CDH8: variants seen among roughly 807,000 people sequenced by gnomAD.
CDH8 encodes the protein cadherin-8.
In CDH8, 17 loss-of-function variants were observed where a neutral mutation model predicts 68.1. The ratio of observed to expected loss-of-function variants is 0.25; its 90% CI spans 0.17 to 0.37. The LOEUF is 0.37. Ranked by LOEUF, CDH8 falls within the 10% of genes least tolerant of loss-of-function variation. The pLI is 1.00. For synonymous variants in CDH8, 372 were observed against 365.1 expected (o/e 1.02, Z -0.21); for missense variants, 763 against 999.3 (o/e 0.76, Z 3.19).
intron 2 of CDH8, among the ~76,000 whole-genome samples, chr16:62,017,849 C>G (rs960446079): frequency 1.4e-4 from 21 of 151,002 alleles, no homozygotes; most frequent in African/African-American, 4.7e-4. Flanking sequence ...CCACCCCACA[C>G]CCCCGGGCCA....
At chr16:61,866,896 G>A (rs1193128981) in intron 3 of CDH8, among the ~76,000 whole-genome samples, 1 of 152,154 alleles carries the variant, frequency 6.6e-6, no homozygotes, top group Non-Finnish European at 1.5e-5. Flanking sequence ...TTAAGGCCAA[G>A]ATGCATGAGA....
intron 1 of CDH8, among the ~76,000 whole-genome samples, chr16:62,029,021 T>A (rs1028532478): frequency 1.3e-5 from 2 of 152,192 alleles, no homozygotes; most frequent in Non-Finnish European, 2.9e-5. Context: ...AGATAGCTGT[T>A]TAGAGCATTG....
chr16:61,987,135 A>G (rs1965643219), intron 2 of CDH8, among the ~76,000 whole-genome samples: 1 of 152,212 alleles, frequency 6.6e-6, no homozygotes, highest in African/African-American at 2.4e-5. Flanking sequence ...TTTACAGGAG[A>G]ATGTATAAAG....
chr16:61,675,047 A>T (rs1322507510), intron 10 of CDH8, among the ~76,000 whole-genome samples: 1 of 152,048 alleles, frequency 6.6e-6, no homozygotes, highest in Non-Finnish European at 1.5e-5. Flanking sequence ...ATAAATAAAG[A>T]ATGAATAAAA....
At chr16:61,950,556 A>C (rs1399453686) in intron 2 of CDH8, among the ~76,000 whole-genome samples, 2 of 152,234 alleles carry the variant, frequency 1.3e-5, no homozygotes, top group Non-Finnish European at 2.9e-5. Flanking sequence ...CTACGGTGTC[A>C]AGATATGAGA....
intron 2 of CDH8, among the ~76,000 whole-genome samples, chr16:61,990,952 G>T (rs911280294): frequency 6.6e-6 from 1 of 150,384 alleles, no homozygotes; most frequent in East Asian, 2.0e-4. Context: ...CAGAGAGAGA[G>T]AAAAAAGAAA....
chr16:61,706,506 G>A (rs1407922287), intron 10 of CDH8, among the ~76,000 whole-genome samples: 6 of 151,282 alleles, frequency 4.0e-5, no homozygotes, highest in Non-Finnish European at 5.9e-5. Flanking sequence ...CTGTAGTCCC[G>A]GCTACTCAGG....
chr16:61,757,325 C>T (rs772917650), intron 8 of CDH8, among the ~76,000 whole-genome samples: 13 of 151,930 alleles, frequency 8.6e-5, no homozygotes, highest in Non-Finnish European at 1.5e-4. Flanking sequence ...TCAGAATGCT[C>T]TATGGTTTTA....
intron 8 of CDH8, among the ~76,000 whole-genome samples, chr16:61,727,655 A>G (rs1175112267): frequency 6.6e-6 from 1 of 151,096 alleles, no homozygotes; most frequent in African/African-American, 2.4e-5. Flanking sequence ...AAAGGCCAGA[A>G]CTAAATCACT....
chr16:61,908,783 C>T (rs1190120076), intron 2 of CDH8, among the ~76,000 whole-genome samples: 1 of 152,138 alleles, frequency 6.6e-6, no homozygotes, highest in African/African-American at 2.4e-5. Flanking sequence ...ATATAGTTAT[C>T]TTTCATTCGG....
intron 8 of CDH8, among the ~76,000 whole-genome samples, chr16:61,734,151 G>A (rs1172135569): frequency 6.6e-6 from 1 of 152,024 alleles, no homozygotes; most frequent in Non-Finnish European, 1.5e-5. Context: ...TTATACACTA[G>A]ACTGAGAGAT....
chr16:61,911,524 C>T (rs1262088024), intron 2 of CDH8, among the ~76,000 whole-genome samples: 4 of 152,008 alleles, frequency 2.6e-5, no homozygotes, highest in East Asian at 3.9e-4. Context: ...CAGGCATAGG[C>T]GTTGGAAGTT....
At chr16:61,677,581 A>G (rs951586935) in intron 10 of CDH8, among the ~76,000 whole-genome samples, 5 of 151,960 alleles carry the variant, frequency 3.3e-5, no homozygotes, top group African/African-American at 7.2e-5. Flanking sequence ...ACAACCCCCA[A>G]TCTTGGAAAA....
intron 4 of CDH8, among the ~76,000 whole-genome samples, chr16:61,854,080 A>C (rs1455651077): frequency 2.0e-5 from 3 of 151,884 alleles, no homozygotes; most frequent in African/African-American, 7.3e-5. Flanking sequence ...GTGAATATAC[A>C]TGTATATATG....
chr16:61,919,278 G>A (rs1457326578), intron 2 of CDH8, among the ~76,000 whole-genome samples: 3 of 148,428 alleles, frequency 2.0e-5, no homozygotes, highest in Admixed American at 1.4e-4. Context: ...CCAAAGGAAC[G>A]CAGTTCCTCA....
In CDH8 at chr16:61,718,728, G is replaced by A. The variant is rs576296766; in HGVS notation, c.1537-4770C>T. 2.6e-3 allele frequency among the ~76,000 whole-genome samples: 393 copies of A among 151,276 alleles called. 2 individuals are homozygous for A. Among genetic ancestry groups the A allele is most frequent in the African/African-American group, 8.9e-3 (367 of 41,396 alleles). Reference sequence around the variant, plus strand: ...TTATATGGCTGTCATTCCTCACCTTGAAAATGAAATAGTATGAAATTATTT... The same window carrying A: ...TTATATGGCTGTCATTCCTCACCTTAAAAATGAAATAGTATGAAATTATTT... On this transcript the variant is annotated intron_variant, in intron 9 of 11. Coordinates refer to ENST00000577390, the MANE Select transcript of CDH8 (RefSeq NM_001796.5).
intron 7 of CDH8, among the ~76,000 whole-genome samples, chr16:61,814,254 A>T (rs982249111): frequency 6.6e-6 from 1 of 152,172 alleles, no homozygotes; most frequent in Non-Finnish European, 1.5e-5. Context: ...TAAATTCAAA[A>T]TATGTCATAT....
intron 9 of CDH8, among the ~76,000 whole-genome samples, chr16:61,719,401 A>G (rs1959200934): frequency 6.6e-6 from 1 of 151,126 alleles, no homozygotes; most frequent in Admixed American, 6.6e-5. Flanking sequence ...AAGTAAACCA[A>G]TACAACGCTA....
chr16:61,799,812 T>C (rs1371068320), intron 7 of CDH8, among the ~76,000 whole-genome samples: 1 of 152,222 alleles, frequency 6.6e-6, no homozygotes, highest in Non-Finnish European at 1.5e-5. Flanking sequence ...TTTGAAATTT[T>C]AATTGGATAT....
Sources: gnomAD v4.1 joint callset for allele counts (sites outside exome capture counted in the v4.1 genomes callset) on GRCh38, gnomAD v4.1.1 for gene constraint, MANE v1.5 for transcripts, NCBI Gene and HGNC (gene_info 2026-07-23, HGNC 2026-07-21) for gene names.